Variants in SCN7A observed in about 807,000 individuals in gnomAD.
The protein encoded by SCN7A is sodium voltage-gated channel alpha subunit 7, also known as sodium channel protein type 7 subunit alpha.
A neutral mutation model predicts 155.2 loss-of-function variants in SCN7A; 138 were observed. The observed-to-expected ratio is 0.89, with a 90% CI of 0.77 to 1.02. SCN7A has a LOEUF of 1.02. Among genes scored for constraint, SCN7A ranks in the 50% least tolerant of loss-of-function variants. The probability of loss-of-function intolerance (pLI) is 0.00; values close to 1 mark genes in which losing one functional copy is unlikely to be tolerated. For missense variants in SCN7A, 2,058 were observed against 1,986.6 expected (o/e 1.04, Z -0.68); for synonymous variants, 693 against 649.0 (o/e 1.07, Z -1.03).
In SCN7A at chr2:166,432,344, T is replaced by C. The variant is rs1297969834; in HGVS notation, c.2566A>G (p.Lys856Glu). 2 of 1,610,454 alleles carry C rather than the reference T, an allele frequency of 1.2e-6. No homozygotes were observed. The highest frequency in any genetic ancestry group is 1.7e-6 in the Non-Finnish European group (2 of 1,178,590). The change falls in exon 16 of 26, where the codon AAG (lysine) becomes GAG (glutamate). Residue 856 changes from lysine (K) to glutamate (E), a missense_variant. By Grantham distance (56) the Lys-to-Glu change is moderately conservative. Transcript: ENST00000643258. ...TCTTTGCTGCCTCCATCACCAGACT[T>C]ACTCTGAATCTCCTTATTATCCAGA... ...ENLDNKEIQSKSGDGGSKEKI... is the reference protein window; with the variant it reads ...ENLDNKEIQSESGDGGSKEKI...
chr2:166,428,575 G>A (rs1017717162), intron 17 of SCN7A, among the ~76,000 whole-genome samples: 6 of 152,030 alleles, frequency 3.9e-5, no homozygotes, highest in Admixed American at 6.6e-5. Flanking sequence ...CCTGAGGCTG[G>A]AGAAGAGGTT....
intron 10 of SCN7A, among the ~76,000 whole-genome samples, chr2:166,460,926 C>T (rs1161408337): frequency 1.3e-5 from 2 of 151,800 alleles, no homozygotes; most frequent in Non-Finnish European, 2.9e-5. Flanking sequence ...GAAATAAGAA[C>T]CTCCTAATGT....
At chr2:166,435,927 T>A (rs1417137262) in intron 15 of SCN7A, among the ~76,000 whole-genome samples, 1 of 152,136 alleles carries the variant, frequency 6.6e-6, no homozygotes, top group Non-Finnish European at 1.5e-5. Context: ...CTAAAACTTG[T>A]TAATAATATT....
In SCN7A at chr2:166,472,354, G is replaced by T; in HGVS notation, c.535C>A (p.Pro179Thr). 6.2e-7 allele frequency: 1 copy of T among 1,608,478 alleles called. No individual in the cohort carries two copies. The highest frequency in any genetic ancestry group is 1.1e-5 in the South Asian group (1 of 90,340). The change falls in exon 6 of 26, where the codon CCA (proline) becomes ACA (threonine). Residue 179 changes from proline to threonine, a missense_variant. By Grantham distance (38) the Pro-to-Thr change is conservative (BLOSUM62 -1). Transcript: ENST00000643258. ...WAGSFSFLGD[P>T]WNWLDFSVTV... ...ACGCTGAAATCGAGCCAGTTCCATG[G>T]ATCACCGAGGAAGGAAAATGATCCT... is the stretch of plus-strand genomic sequence containing the variant.
chr2:166,432,544 T>C lies in SCN7A; in HGVS notation c.2366A>G (p.Asp789Gly). The change falls in exon 16 of 26, where the codon GAT becomes GGT. Residue 789 changes from aspartate (D) to glycine (G), a missense_variant. Physicochemically the swap from Asp to Gly is moderately conservative, Grantham distance 94. Transcript: ENST00000643258. ...DHVNEVYVKE[D>G]ISDHTLSELS... is the part of the protein sequence containing the mutation. ...TTCAGAAAGGGTATGGTCAGAAATA[T>C]CTTCTTTAACATATACCTCATTTAC... 6.2e-7 allele frequency: 1 copy of C among 1,613,564 alleles called. No individual in the cohort carries two copies. The highest frequency in any genetic ancestry group is 8.5e-7 in the Non-Finnish European group (1 of 1,179,620).
Position 166,441,544 on chromosome 2 carries a change from T to TG in SCN7A, c.2008dup (p.His670ProfsTer4), listed in dbSNP as rs1294559879. ...GAAGGAGTGGAAAAAGTCATGCATG[T>TG]GCCAGCGTGGGAGTTGACAGTCTTT... On this transcript the variant is annotated frameshift_variant, in exon 15 of 26. Transcript: ENST00000643258. LOFTEE classifies it high-confidence loss of function. 1 of 1,614,088 alleles carries TG rather than the reference T, an allele frequency of 6.2e-7. No homozygotes were observed. The highest frequency in any genetic ancestry group is 1.7e-5 in the Admixed American group (1 of 60,000).
At chr2:166,464,104 C>T (rs115611534) in intron 9 of SCN7A, among the ~76,000 whole-genome samples, 1,567 of 150,692 alleles carry the variant, frequency 0.01, 32 homozygotes, top group African/African-American at 0.037. Context: ...TATATATATA[C>T]GACATACATA....
intron 9 of SCN7A, among the ~76,000 whole-genome samples, chr2:166,463,229 T>C (rs1009488211): frequency 2.0e-5 from 3 of 152,202 alleles, no homozygotes; most frequent in African/African-American, 4.8e-5. Flanking sequence ...TATTTCCTTT[T>C]AGGGAGTCCT....
At chr2:166,432,902 G>T in intron 15 of SCN7A, 150 bp from the exon 16 acceptor site, 1 of 595,896 alleles carries the variant, frequency 1.7e-6, no homozygotes, top group Non-Finnish European at 2.8e-6. Context: ...AATAACTGTA[G>T]TCACCATGCT....
At chr2:166,423,530 T>C (rs1701557790) in intron 18 of SCN7A, 98 bp from the exon 19 acceptor site, 6 of 1,308,286 alleles carry the variant, frequency 4.6e-6, no homozygotes, top group Non-Finnish European at 6.1e-6. Flanking sequence ...CTAATAGGCA[T>C]ATGGTGAGCA....
At chr2:166,412,740 G>C in intron 22 of SCN7A, 73 bp from the exon 23 acceptor site, 1 of 1,427,672 alleles carries the variant, frequency 7.0e-7, no homozygotes, top group Middle Eastern at 2.5e-4. Context: ...TTTATGACAA[G>C]AAAACAATAA....
chr2:166,405,589 G>A lies in SCN7A; in HGVS notation c.5040C>T (p.Ser1680=). Residue 1680 remains serine, a synonymous_variant, in exon 26 of 26, where the codon AGC becomes AGT. Transcript: ENST00000643258. ...GAGGTGGTAAGTGGTATTAGATCTG[G>A]CTTTGAATAGGTGACTTTTCCTTAG... ...DKAKEKSPIQ[S]QI is the part of the protein sequence containing the mutation. 3.2e-6 allele frequency: 5 copies of A among 1,581,268 alleles called. No individual in the cohort carries two copies. Among genetic ancestry groups the A allele is most frequent in the Non-Finnish European group, 4.3e-6 (5 of 1,165,102 alleles).
intron 21 of SCN7A, 118 bp downstream of exon 21, chr2:166,416,589 C>T (rs1487584785): frequency 1.1e-6 from 1 of 878,416 alleles, no homozygotes; most frequent in Non-Finnish European, 1.7e-6. Flanking sequence ...CATTTATCTA[C>T]TAATTGCTAA....
rs2105514476 is a variant in SCN7A, at chr2:166,477,693, A to T, written c.4T>A (p.Leu2Met). The change falls in exon 3 of 26, where the codon TTG (leucine) becomes ATG (methionine). Residue 2 changes from leucine to methionine, a missense_variant. By Grantham distance (15) the Leu-to-Met change is conservative. Transcript: ENST00000643258. Reference sequence around the variant, plus strand: ...AGGCCCTTAGGTTCTGGTGAAGCCAACATTTCCAATTTTGTACCTGCAAAA... The same window carrying T: ...AGGCCCTTAGGTTCTGGTGAAGCCATCATTTCCAATTTTGTACCTGCAAAA... The part of the protein sequence containing the change: M[L>M]ASPEPKGLVP... 1 of 1,549,566 alleles carries T rather than the reference A, an allele frequency of 6.5e-7. No individual in the cohort carries two copies. The highest frequency in any genetic ancestry group is 2.3e-5 in the East Asian group (1 of 43,562).
intron 24 of SCN7A, 40 bp from the exon 25 acceptor site, chr2:166,409,975 G>C: frequency 6.8e-7 from 1 of 1,467,046 alleles, no homozygotes; most frequent in Non-Finnish European, 9.1e-7. Context: ...CTTATTAATA[G>C]GATACATATA....
At chr2:166,408,997 TTGC>T (rs1701137445) in intron 25 of SCN7A, among the ~76,000 whole-genome samples, 1 of 151,960 alleles carries the variant, frequency 6.6e-6, no homozygotes, top group Admixed American at 6.6e-5. Flanking sequence ...TTCTGCTGTG[TTGC>T]TGCAGCACCC....
At position 166,462,449 on chromosome 2, in the gene SCN7A, C is replaced by A; in HGVS notation, c.1023G>T (p.Trp341Cys). The part of the protein sequence containing the change: ...QGFTNFDSFG[W>C]ALFALFRLMA... ...TTAACCGAAATAGGGCAAATAAGGC[C>A]CAGCCAAAACTGTCAAAATTTGTGA... Residue 341 changes from tryptophan (W) to cysteine (C), a missense_variant, in exon 10 of 26, where the codon TGG (tryptophan) becomes TGT (cysteine). Physicochemically the swap from Trp to Cys is radical, Grantham distance 215. Transcript: ENST00000643258. 6.2e-7 allele frequency: 1 copy of A among 1,612,478 alleles called. No homozygotes were observed.
intron 11 of SCN7A, among the ~76,000 whole-genome samples, chr2:166,452,566 G>A (rs997254509): frequency 2.6e-5 from 4 of 152,032 alleles, no homozygotes; most frequent in Non-Finnish European, 4.4e-5. Context: ...TTCGTTACAT[G>A]AATTATGACT....
At chr2:166,439,053 G>GTATATACATA (rs1283353813) in intron 15 of SCN7A, among the ~76,000 whole-genome samples, 31 of 86,100 alleles carry the variant, frequency 3.6e-4, no homozygotes, top group African/African-American at 1.7e-3. Flanking sequence ...GTGTGTGTGT[G>GTATATACATA]TGTATATATA....
Sources: gnomAD v4.1 joint callset for allele counts (sites outside exome capture counted in the v4.1 genomes callset) on GRCh38, gnomAD v4.1.1 for gene constraint, MANE v1.5 for transcripts, NCBI Gene and HGNC (gene_info 2026-07-23, HGNC 2026-07-21) for gene names.